The following CADPS2 variants were observed in gnomAD, a reference collection of about 807,000 sequenced individuals.
CADPS2 encodes the protein calcium dependent secretion activator 2, also known as calcium-dependent secretion activator 2.
In CADPS2, 93 loss-of-function variants were observed where a neutral mutation model predicts 172.5. That is an observed-to-expected ratio of 0.54 (90% CI 0.46 to 0.64). The LOEUF is 0.64. Ranked by LOEUF, CADPS2 falls within the 30% of genes least tolerant of loss-of-function variation. The probability of loss-of-function intolerance (pLI) is 0.00; values close to 1 mark genes in which losing one functional copy is unlikely to be tolerated. For synonymous variants in CADPS2, 546 were observed against 555.2 expected, an observed-to-expected ratio of 0.98 and a Z score of 0.23; for missense variants, 1,420 against 1,565.9, an observed-to-expected ratio of 0.91 and a Z score of 1.57.
intron 8 of CADPS2, among the ~76,000 whole-genome samples, chr7:122,519,028 A>T (rs2060585370): frequency 6.6e-6 from 1 of 151,888 alleles, no homozygotes; most frequent in African/African-American, 2.4e-5. Flanking sequence ...GAACACAAAT[A>T]TCATCAGTTT....
intron 8 of CADPS2, among the ~76,000 whole-genome samples, chr7:122,546,883 A>T (rs2063676712): frequency 6.6e-6 from 1 of 152,110 alleles, no homozygotes; most frequent in East Asian, 1.9e-4. Flanking sequence ...GTTGGGGAAA[A>T]TATTTTCATG....
intron 20 of CADPS2, among the ~76,000 whole-genome samples, chr7:122,401,208 A>T (rs2045909088): frequency 6.6e-6 from 1 of 152,178 alleles, no homozygotes; most frequent in African/African-American, 2.4e-5. Context: ...CTTAGTGTAG[A>T]GCAGGAACAT....
intron 1 of CADPS2, chr7:122,850,297 G>A: frequency 3.5e-6 from 2 of 576,852 alleles, no homozygotes; most frequent in African/African-American, 2.0e-5. Context: ...TCCTTTCAGG[G>A]GATGAAGACT....
intron 28 of CADPS2, among the ~76,000 whole-genome samples, chr7:122,333,789 T>C (rs529003355): frequency 1.3e-5 from 2 of 152,278 alleles, no homozygotes; most frequent in South Asian, 4.1e-4. Context: ...GAATCTTACT[T>C]GTATTGCTAT....
intron 1 of CADPS2, among the ~76,000 whole-genome samples, chr7:122,764,960 C>T (rs897348067): frequency 6.6e-6 from 1 of 152,154 alleles, no homozygotes; most frequent in Non-Finnish European, 1.5e-5. Flanking sequence ...TTTGCTATTT[C>T]TGTACCTCCT....
At chr7:122,801,067 A>G (rs200432571) in intron 1 of CADPS2, among the ~76,000 whole-genome samples, 29,827 of 151,638 alleles carry the variant, frequency 0.2, 3,638 homozygotes, top group African/African-American at 0.35. Context: ...TTTGGGCTAA[A>G]GAGAAAATTA....
At chr7:122,554,445 C>A (rs2132002899) in intron 8 of CADPS2, 105 bp downstream of exon 8, 1 of 1,115,108 alleles carries the variant, frequency 9.0e-7, no homozygotes, top group Non-Finnish European at 1.2e-6. Context: ...TGAGAAAACT[C>A]CATGTGAAAG....
intron 24 of CADPS2, among the ~76,000 whole-genome samples, chr7:122,381,965 T>G (rs1183036576): frequency 6.6e-6 from 1 of 152,156 alleles, no homozygotes; most frequent in African/African-American, 2.4e-5. Context: ...TTACAACTGC[T>G]GGGAACTTTC....
chr7:122,791,969 T>C (rs1258779682), intron 1 of CADPS2, among the ~76,000 whole-genome samples: 1 of 152,200 alleles, frequency 6.6e-6, no homozygotes, highest in East Asian at 1.9e-4. Flanking sequence ...GTTAAATGGC[T>C]AAATCAGTTT....
At chr7:122,350,055 A>C (rs1443827076) in intron 27 of CADPS2, among the ~76,000 whole-genome samples, 1 of 152,230 alleles carries the variant, frequency 6.6e-6, no homozygotes, top group Non-Finnish European at 1.5e-5. Flanking sequence ...ACTTAATTTG[A>C]AAGTGCACTT....
At chr7:122,545,239 T>C (rs771864931) in intron 8 of CADPS2, among the ~76,000 whole-genome samples, 1 of 152,154 alleles carries the variant, frequency 6.6e-6, no homozygotes, top group Non-Finnish European at 1.5e-5. Context: ...GGGGACAAGA[T>C]GGCTTGCAGT....
chr7:122,441,855 G>T (rs979283692), intron 15 of CADPS2, among the ~76,000 whole-genome samples: 4 of 152,148 alleles, frequency 2.6e-5, no homozygotes, highest in African/African-American at 9.7e-5. Flanking sequence ...AACCTCAAGG[G>T]TCATGAGTAA....
chr7:122,777,904 T>C (rs976056246), intron 1 of CADPS2, among the ~76,000 whole-genome samples: 1 of 151,648 alleles, frequency 6.6e-6, no homozygotes, highest in Non-Finnish European at 1.5e-5. Context: ...ACCCATAGAG[T>C]GGGGTGCTGC....
intron 1 of CADPS2, among the ~76,000 whole-genome samples, chr7:122,751,427 G>A (rs574914557): frequency 1.3e-5 from 2 of 152,272 alleles, no homozygotes; most frequent in Admixed American, 6.5e-5. Context: ...TGAGAGCATA[G>A]TTTCGTGGAA....
intron 3 of CADPS2, among the ~76,000 whole-genome samples, chr7:122,637,650 C>A (rs1247716820): frequency 6.6e-6 from 1 of 152,156 alleles, no homozygotes; most frequent in Non-Finnish European, 1.5e-5. Flanking sequence ...ATTCTGAATT[C>A]TCTGTCTGTC....
At chr7:122,767,504 G>A (rs1373081734) in intron 1 of CADPS2, among the ~76,000 whole-genome samples, 2 of 152,044 alleles carry the variant, frequency 1.3e-5, no homozygotes, top group African/African-American at 4.8e-5. Context: ...CTTCTCGGTT[G>A]GAGAGGGATT....
chr7:122,524,411 T>C (rs900623769), intron 8 of CADPS2, among the ~76,000 whole-genome samples: 10 of 152,100 alleles, frequency 6.6e-5, no homozygotes, highest in East Asian at 1.9e-4. Context: ...ATAAACTACA[T>C]ACACTCTAAA....
chr7:122,479,072 T>C (rs1422214210), intron 12 of CADPS2, among the ~76,000 whole-genome samples: 1 of 152,054 alleles, frequency 6.6e-6, no homozygotes, highest in Non-Finnish European at 1.5e-5. Context: ...AAAGGGGCAC[T>C]CTGGATGAAA....
intron 1 of CADPS2, among the ~76,000 whole-genome samples, chr7:122,739,424 T>C (rs1255464071): frequency 6.6e-6 from 1 of 152,212 alleles, no homozygotes; most frequent in Non-Finnish European, 1.5e-5. Flanking sequence ...TCTACATCAT[T>C]AGTATTTAAG....
Sources: allele counts gnomAD v4.1 joint callset (sites outside exome capture counted in the v4.1 genomes callset), GRCh38; gene constraint gnomAD v4.1.1; transcripts MANE v1.5; gene names NCBI Gene and HGNC (gene_info 2026-07-23, HGNC 2026-07-21).